The following USP37 variants were observed in gnomAD, a reference collection of about 807,000 sequenced individuals.
USP37 encodes ubiquitin specific peptidase 37.
USP37 carries 27 observed loss-of-function variants against 124.0 expected under a neutral mutation model. That is an observed-to-expected ratio of 0.22 (90% CI 0.16 to 0.30). The LOEUF is 0.30. Ranked by LOEUF, USP37 falls within the 10% of genes least tolerant of loss-of-function variation. The pLI, the probability that USP37 is intolerant of heterozygous loss-of-function variation, is 1.00. For missense variants in USP37, 889 were observed against 1,140.4 expected, an observed-to-expected ratio of 0.78 and a Z score of 3.17; for synonymous variants, 365 against 388.0, an observed-to-expected ratio of 0.94 and a Z score of 0.70.
intron 11 of USP37, among the ~76,000 whole-genome samples, chr2:218,508,963 T>C (rs1045400784): frequency 4.6e-5 from 7 of 152,214 alleles, no homozygotes; most frequent in Non-Finnish European, 1.0e-4. Context: ...AGAGAGCAGT[T>C]TGGTAAAAAC....
In USP37 at chr2:218,475,925, C is replaced by CAA. The variant is rs5838701; in HGVS notation, c.2043+913_2043+914dup. On this transcript the variant is annotated intron_variant, in intron 19 of 25. Transcript: ENST00000258399. ...TGGGCAACAGAGTGAGACTCCGTCT[C>CAA]AAAAAAAAAAAAAGATTATGTAAAT... Among the ~76,000 whole-genome samples the CAA allele has an allele frequency of 2.7e-3, 386 of 142,408 alleles. 1 individual carries two copies. Among genetic ancestry groups the CAA allele is most frequent in the Non-Finnish European group, 3.9e-3 (254 of 65,026 alleles). The allele number at this position is 142,408 out of a possible 152,430, so 93.4% of individuals were successfully genotyped here.
chr2:218,565,175 G>T (rs898819424), intron 1 of USP37, among the ~76,000 whole-genome samples: 2 of 152,170 alleles, frequency 1.3e-5, no homozygotes, highest in Non-Finnish European at 2.9e-5. Flanking sequence ...CGCCCACCTT[G>T]GTCTCCCGCA....
intron 11 of USP37, among the ~76,000 whole-genome samples, chr2:218,504,405 T>A (rs1421435567): frequency 6.6e-6 from 1 of 152,212 alleles, no homozygotes; most frequent in Non-Finnish European, 1.5e-5. Context: ...CATAAATTTT[T>A]AAAATCATCT....
chr2:218,495,998 C>T (rs1249297903), intron 13 of USP37, 48 bp from the exon 14 acceptor site: 1 of 1,548,056 alleles, frequency 6.5e-7, no homozygotes, highest in Non-Finnish European at 8.7e-7. Context: ...TTTCTTGTCA[C>T]AATAGCTTAC....
intron 11 of USP37, 40 bp downstream of exon 11, chr2:218,509,939 A>G: frequency 6.7e-7 from 1 of 1,489,064 alleles, no homozygotes; most frequent in Non-Finnish European, 9.0e-7. Context: ...CTATTGAATC[A>G]CTTTATAAAA....
At position 218,549,890 on chromosome 2, in the gene USP37, C is replaced by G. The variant is rs114523486; in HGVS notation, c.348G>C (p.Gly116=). ...RLPAAMKPSQ[G]SGSFGAILGS... ...CCAGAATGGCTCCAAAACTACCAGA[C>G]CCCTGAGACGGTTTCATGGCTGGTG... Residue 116 remains glycine, a synonymous_variant, in exon 6 of 26, where the codon GGG becomes GGC. Transcript: ENST00000258399. 3 of 1,608,068 alleles carry G rather than the reference C, an allele frequency of 1.9e-6. No individual in the cohort carries two copies. Among genetic ancestry groups the G allele is most frequent in the Non-Finnish European group, 2.5e-6 (3 of 1,177,354 alleles).
At chr2:218,470,796 A>G (rs1183495035) in intron 20 of USP37, among the ~76,000 whole-genome samples, 2 of 152,188 alleles carry the variant, frequency 1.3e-5, no homozygotes, top group Non-Finnish European at 2.9e-5. Context: ...CTGATTCACA[A>G]AACAGCCCAA....
chr2:218,533,526 G>A (rs1691453241), intron 9 of USP37, among the ~76,000 whole-genome samples: 1 of 152,098 alleles, frequency 6.6e-6, no homozygotes, highest in Non-Finnish European at 1.5e-5. Flanking sequence ...CTTAACTTCA[G>A]CATTGTTAAG....
chr2:218,486,838 G>T (rs867364852), intron 15 of USP37, among the ~76,000 whole-genome samples: 1 of 151,992 alleles, frequency 6.6e-6, no homozygotes, highest in Non-Finnish European at 1.5e-5. Flanking sequence ...CCATTCTCCT[G>T]CCTCAGCCTC....
chr2:218,566,887 C>A (rs1264786862), intron 1 of USP37, among the ~76,000 whole-genome samples: 2 of 151,958 alleles, frequency 1.3e-5, no homozygotes, highest in Non-Finnish European at 2.9e-5. Flanking sequence ...GTGTCATGTG[C>A]CACTTAATAA....
At chr2:218,481,101 A>G (rs1691249509) in intron 17 of USP37, among the ~76,000 whole-genome samples, 1 of 152,242 alleles carries the variant, frequency 6.6e-6, no homozygotes, top group Admixed American at 6.5e-5. Flanking sequence ...TCAAGTATAG[A>G]AAAGAATGAC....
chr2:218,456,778 T>C (rs1045510923), intron 24 of USP37, among the ~76,000 whole-genome samples: 1 of 152,242 alleles, frequency 6.6e-6, no homozygotes, highest in East Asian at 1.9e-4. Context: ...AAGACCAGCC[T>C]GGCCAATATG....
intron 1 of USP37, among the ~76,000 whole-genome samples, chr2:218,567,531 GGTATCTCTTCCA>G (rs1454875687): frequency 6.6e-6 from 1 of 151,990 alleles, no homozygotes; most frequent in Admixed American, 6.6e-5. Context: ...TTCCCTCTCA[GGTATCTCTTCCA>G]GTTAGACACT....
intron 11 of USP37, 61 bp from the exon 12 acceptor site, chr2:218,498,218 T>C: frequency 1.4e-6 from 2 of 1,472,796 alleles, no homozygotes; most frequent in Non-Finnish European, 1.8e-6. Flanking sequence ...ATGTTCAGTA[T>C]AGTAGGAGTT....
chr2:218,541,227 T>C (rs554225737), intron 8 of USP37, among the ~76,000 whole-genome samples: 11 of 152,246 alleles, frequency 7.2e-5, no homozygotes, highest in South Asian at 6.2e-4. Context: ...AGGAGGACAG[T>C]TGAAGAACAA....
At chr2:218,548,380 AACCAGGCTGGAGTGCAG>A (rs1440250111) in intron 6 of USP37, among the ~76,000 whole-genome samples, 5 of 147,930 alleles carry the variant, frequency 3.4e-5, no homozygotes, top group African/African-American at 1.3e-4. Flanking sequence ...TTACTCTGTC[AACCAGGCTGGAGTGCAG>A]TGGCACAATC....
chr2:218,497,321 G>A (rs1479131903), intron 13 of USP37, among the ~76,000 whole-genome samples: 1 of 148,968 alleles, frequency 6.7e-6, no homozygotes, highest in Non-Finnish European at 1.5e-5. Flanking sequence ...TCCACCCACC[G>A]TGGCCTCCCA....
intron 25 of USP37, among the ~76,000 whole-genome samples, chr2:218,455,260 T>C (rs1408132695): frequency 6.6e-6 from 1 of 152,178 alleles, no homozygotes; most frequent in African/African-American, 2.4e-5. Flanking sequence ...TTCCCATCCA[T>C]ATAAATCAGA....
chr2:218,479,540 TATC>T, intron 18 of USP37, 107 bp downstream of exon 18: 1 of 891,264 alleles, frequency 1.1e-6, no homozygotes, highest in Admixed American at 2.0e-5. Flanking sequence ...TAAAGAGCAT[TATC>T]ATGCAAAAAG....
Sources: gnomAD v4.1 joint callset for allele counts (sites outside exome capture counted in the v4.1 genomes callset) on GRCh38, gnomAD v4.1.1 for gene constraint, MANE v1.5 for transcripts, NCBI Gene and HGNC (gene_info 2026-07-23, HGNC 2026-07-21) for gene names.